DLGAP2: variants seen among roughly 807,000 people sequenced by gnomAD.
DLGAP2 encodes the protein DLG associated protein 2.
A neutral mutation model predicts 100.3 loss-of-function variants in DLGAP2; 26 were observed. The observed-to-expected ratio is 0.26, with a 90% CI of 0.19 to 0.36. The LOEUF (loss-of-function observed/expected upper bound fraction) is 0.36. DLGAP2 is among the 10% of genes least tolerant of loss of function. DLGAP2 has a pLI of 1.00. For missense variants in DLGAP2, 1,858 were observed against 1,453.2 expected (o/e 1.28, Z -4.53); for synonymous variants, 886 against 630.1 (o/e 1.41, Z -6.08).
chr8:1,318,878 C>T (rs948247314), intron 3 of DLGAP2, among the ~76,000 whole-genome samples: 8 of 142,210 alleles, frequency 5.6e-5, no homozygotes, highest in African/African-American at 1.9e-4. Flanking sequence ...GATGTCCTTT[C>T]ACCACTTAGA....
At chr8:858,565 C>T (rs1380274430) in intron 1 of DLGAP2, among the ~76,000 whole-genome samples, 4 of 150,352 alleles carry the variant, frequency 2.7e-5, no homozygotes, top group Non-Finnish European at 5.9e-5. Flanking sequence ...ATGTGTGATG[C>T]TGTCACCGTG....
chr8:1,117,358 GTCT>G (rs1205807433), intron 2 of DLGAP2, among the ~76,000 whole-genome samples: 1 of 152,240 alleles, frequency 6.6e-6, no homozygotes, highest in Non-Finnish European at 1.5e-5. Flanking sequence ...ACGATGCACG[GTCT>G]TCTTTGAGCC....
chr8:1,120,118 AT>A (rs1332118731), intron 2 of DLGAP2, among the ~76,000 whole-genome samples: 2 of 152,152 alleles, frequency 1.3e-5, no homozygotes, highest in Admixed American at 6.5e-5. Context: ...TGCAGGTCCC[AT>A]TTCACCACCG....
intron 3 of DLGAP2, among the ~76,000 whole-genome samples, chr8:1,343,887 G>A (rs1029369741): frequency 2.8e-4 from 42 of 152,160 alleles, no homozygotes; most frequent in Non-Finnish European, 4.4e-4. Context: ...GCCCTCTCAC[G>A]CTTCTCACGG....
chr8:1,350,116 G>A (rs1383772718), intron 3 of DLGAP2, among the ~76,000 whole-genome samples: 1 of 152,124 alleles, frequency 6.6e-6, no homozygotes, highest in Non-Finnish European at 1.5e-5. Flanking sequence ...AAAATCAGCT[G>A]GTTATTAAAC....
chr8:965,186 A>G (rs1274734661), intron 2 of DLGAP2, among the ~76,000 whole-genome samples: 1 of 128,384 alleles, frequency 7.8e-6, no homozygotes, highest in African/African-American at 3.0e-5. Flanking sequence ...TGCACACGGC[A>G]CTGTTCACCA....
At chr8:813,693 T>C (rs1386867899) in intron 1 of DLGAP2, among the ~76,000 whole-genome samples, 2 of 152,176 alleles carry the variant, frequency 1.3e-5, no homozygotes, top group East Asian at 3.8e-4. Context: ...TTTTTGTCTC[T>C]AGCACAAAAG....
At chr8:1,512,729 A>G (rs187064291) in intron 4 of DLGAP2, among the ~76,000 whole-genome samples, 1 of 152,248 alleles carries the variant, frequency 6.6e-6, no homozygotes, top group African/African-American at 2.4e-5. Flanking sequence ...GTGTCCATGG[A>G]GTAGAGATCT....
chr8:1,437,387 G>C (rs1479062434), intron 3 of DLGAP2, among the ~76,000 whole-genome samples: 2 of 152,238 alleles, frequency 1.3e-5, no homozygotes, highest in East Asian at 3.9e-4. Context: ...CCCTCATTAA[G>C]TGGCACATGA....
chr8:802,625 G>T (rs975212004), intron 1 of DLGAP2, among the ~76,000 whole-genome samples: 1 of 152,146 alleles, frequency 6.6e-6, no homozygotes, highest in Non-Finnish European at 1.5e-5. Flanking sequence ...CACAGCCCCC[G>T]AGAGGCTGCA....
At chr8:1,468,726 G>A (rs1278581790) in intron 3 of DLGAP2, among the ~76,000 whole-genome samples, 4 of 151,354 alleles carry the variant, frequency 2.6e-5, no homozygotes, top group South Asian at 2.1e-4. Flanking sequence ...GCATCTTCTC[G>A]CCATTCTGGA....
intron 2 of DLGAP2, among the ~76,000 whole-genome samples, chr8:1,165,063 C>T (rs1796987851): frequency 6.6e-6 from 1 of 151,838 alleles, no homozygotes; most frequent in African/African-American, 2.4e-5. Context: ...GATTCTCCTC[C>T]CTCTGGGCCG....
chr8:1,563,283 G>A (rs1448669165), intron 5 of DLGAP2, among the ~76,000 whole-genome samples: 11 of 35,730 alleles, frequency 3.1e-4, no homozygotes, highest in African/African-American at 5.1e-4. Flanking sequence ...GCGCCTCGTT[G>A]CTGGGGGACT....
intron 2 of DLGAP2, among the ~76,000 whole-genome samples, chr8:1,038,016 GGGA>G (rs1368995397): frequency 2.0e-5 from 3 of 152,208 alleles, no homozygotes; most frequent in African/African-American, 7.2e-5. Context: ...ACTAGAGGCT[GGGA>G]GAGCTGGTGT....
chr8:1,656,544 A>G (rs188648435), intron 8 of DLGAP2, among the ~76,000 whole-genome samples: 180 of 152,106 alleles, frequency 1.2e-3, no homozygotes, highest in African/African-American at 4.0e-3. Context: ...TATTTGGGCA[A>G]TTTTTTCAGA....
At chr8:1,436,068 G>GTCTCTT (rs1797614494) in intron 3 of DLGAP2, among the ~76,000 whole-genome samples, 2 of 152,098 alleles carry the variant, frequency 1.3e-5, no homozygotes, top group Non-Finnish European at 2.9e-5. Flanking sequence ...TCTCTAGAGG[G>GTCTCTT]ACAGGACTAA....
At chr8:1,086,441 T>C (rs1164177224) in intron 2 of DLGAP2, among the ~76,000 whole-genome samples, 3 of 152,216 alleles carry the variant, frequency 2.0e-5, no homozygotes, top group African/African-American at 7.2e-5. Flanking sequence ...ATTCATTCTA[T>C]ATCTAATTTG....
intron 2 of DLGAP2, among the ~76,000 whole-genome samples, chr8:1,139,207 G>T (rs76191553): frequency 0.053 from 8,046 of 152,196 alleles, 533 homozygotes; most frequent in African/African-American, 0.16. Context: ...TGCACAGGGC[G>T]GGGGGAGCTC....
At chr8:1,160,477 G>A (rs183710545) in intron 2 of DLGAP2, among the ~76,000 whole-genome samples, 2 of 152,298 alleles carry the variant, frequency 1.3e-5, no homozygotes, top group East Asian at 3.9e-4. Flanking sequence ...TTCAGCTAGG[G>A]GAGTCTTTTG....
Sources: gnomAD v4.1 joint callset for allele counts (sites outside exome capture counted in the v4.1 genomes callset) on GRCh38, gnomAD v4.1.1 for gene constraint, MANE v1.5 for transcripts, NCBI Gene and HGNC (gene_info 2026-07-23, HGNC 2026-07-21) for gene names.